ADCY1: variants seen among roughly 807,000 people sequenced by gnomAD.
The protein encoded by ADCY1 is adenylate cyclase type 1.
ADCY1 carries 28 observed loss-of-function variants against 105.4 expected under a neutral mutation model. The ratio of observed to expected loss-of-function variants is 0.27; its 90% CI spans 0.20 to 0.36. The LOEUF (loss-of-function observed/expected upper bound fraction) is 0.36. ADCY1 is among the 10% of genes least tolerant of loss of function. ADCY1 has a pLI of 1.00. For missense variants in ADCY1, 977 were observed against 1,434.2 expected (o/e 0.68, Z 5.15); for synonymous variants, 655 against 623.8 (o/e 1.05, Z -0.75).
chr7:45,597,133 C>T (rs1434216696), intron 2 of ADCY1, among the ~76,000 whole-genome samples: 1 of 152,172 alleles, frequency 6.6e-6, no homozygotes, highest in East Asian at 1.9e-4. Flanking sequence ...CAGGAGAGCA[C>T]AGCAGGGTAC....
At chr7:45,680,191 A>G (rs1784528898) in intron 11 of ADCY1, among the ~76,000 whole-genome samples, 1 of 152,244 alleles carries the variant, frequency 6.6e-6, no homozygotes, top group Non-Finnish European at 1.5e-5. Flanking sequence ...ACAAATGAGC[A>G]CAAGATACTG....
chr7:45,583,525 A>C (rs1211652182), intron 1 of ADCY1, among the ~76,000 whole-genome samples: 1 of 151,994 alleles, frequency 6.6e-6, no homozygotes, highest in Non-Finnish European at 1.5e-5. Context: ...TCCCAAGTAG[A>C]CTCTTCTCTG....
At chr7:45,635,912 A>T (rs751818607) in intron 4 of ADCY1, among the ~76,000 whole-genome samples, 10 of 151,912 alleles carry the variant, frequency 6.6e-5, no homozygotes. Context: ...TTGTTCTCTC[A>T]ATTATTGAGA....
intron 4 of ADCY1, among the ~76,000 whole-genome samples, chr7:45,626,296 A>G (rs541129036): frequency 6.6e-6 from 1 of 152,326 alleles, no homozygotes; most frequent in African/African-American, 2.4e-5. Flanking sequence ...TGACACCCAA[A>G]CAGTGTTACG....
intron 2 of ADCY1, among the ~76,000 whole-genome samples, chr7:45,594,562 C>T (rs1005150300): frequency 2.0e-5 from 3 of 152,114 alleles, no homozygotes; most frequent in Non-Finnish European, 4.4e-5. Context: ...TTTCCTACTT[C>T]TGTGTTGGTC....
In ADCY1 at chr7:45,678,344, G is replaced by T. The variant is rs12690837; in HGVS notation, c.1898+81G>T. The T allele has an allele frequency of 8.0e-6, 11 of 1,375,170 alleles. No individual in the cohort carries two copies. The African/African-American group carries it at 1.4e-4, about 18-fold the overall frequency. 85.2% of individuals were successfully genotyped at this position (1,375,170 alleles called of 1,614,324 possible). ...GTTCGTGGTTGTGTTTCTGGGGTTC[G>T]TGGTTGTGTTTCTGTTGTATGCTCA... On this transcript the variant is annotated intron_variant, in intron 10 of 19. Coordinates refer to ENST00000297323, the MANE Select transcript of ADCY1 (RefSeq NM_021116.4).
chr7:45,649,857 C>T (rs1322749018), intron 5 of ADCY1, among the ~76,000 whole-genome samples: 1 of 152,216 alleles, frequency 6.6e-6, no homozygotes, highest in South Asian at 2.1e-4. Flanking sequence ...GGTAGCTCCA[C>T]CTCAAGAGCC....
At chr7:45,674,715 A>T (rs1784425286) in intron 8 of ADCY1, among the ~76,000 whole-genome samples, 1 of 152,106 alleles carries the variant, frequency 6.6e-6, no homozygotes, top group Non-Finnish European at 1.5e-5. Context: ...TGTGATTGAA[A>T]TTTCTATTGT....
chr7:45,661,878 A>G (rs1795116244), intron 7 of ADCY1, among the ~76,000 whole-genome samples, 181 bp from the exon 8 acceptor site: 1 of 151,950 alleles, frequency 6.6e-6, no homozygotes. Flanking sequence ...CCCTCCCAAT[A>G]TGGTTTTGTT....
chr7:45,575,040 T>C lies in ADCY1; in HGVS notation c.497T>C (p.Leu166Pro). ...ACCGCCGAACAAGGGGTTTGGCAGC[T>C]CCTTTTGGTCACCTTCGTGTCCTAT... ...PATAEQGVWQ[L>P]LLVTFVSYAL... The change falls in exon 1 of 20, where the codon CTC (leucine) becomes CCC (proline). Residue 166 changes from leucine to proline, a missense_variant. Physicochemically the swap from Leu to Pro is moderately conservative, Grantham distance 98 (BLOSUM62 -3). Transcript: ENST00000297323. The surrounding 1 kb of genome is among the most constrained non-coding windows in gnomAD (Gnocchi z 4.7). The C allele has an allele frequency of 6.2e-7, 1 of 1,612,648 alleles. No homozygotes were observed. Among genetic ancestry groups the C allele is most frequent in the Non-Finnish European group, 8.5e-7 (1 of 1,179,848 alleles).
In ADCY1 at chr7:45,710,414, T is replaced by G; in HGVS notation, c.2933-114T>G. The G allele has an allele frequency of 6.8e-7, 1 of 1,478,972 alleles. No individual in the cohort carries two copies. The highest frequency in any genetic ancestry group is 2.3e-5 in the East Asian group (1 of 43,362). The allele number at this position is 1,478,972 out of a possible 1,614,324, so 91.6% of individuals were successfully genotyped here. ...TAGGTGACCCCAGGAAACAAAGCCC[T>G]GAAAGGAGCAGCCTTTTCTCCACCA... On this transcript the variant is annotated intron_variant, in intron 18 of 19. Coordinates refer to ENST00000297323, the MANE Select transcript of ADCY1 (RefSeq NM_021116.4). This position sits in a 1 kb window ranked among gnomAD's most constrained non-coding sequence, Gnocchi z 4.7.
intron 18 of ADCY1, among the ~76,000 whole-genome samples, chr7:45,709,943 G>A (rs763671207): frequency 2.0e-5 from 3 of 152,218 alleles, no homozygotes; most frequent in Non-Finnish European, 4.4e-5. Flanking sequence ...TCACGATGCT[G>A]TCCAGCTGGT....
rs1230847845 is a variant in ADCY1, at chr7:45,593,930, G to C, written c.789+1022G>C. Among the ~76,000 whole-genome samples the C allele has an allele frequency of 2.6e-5, 4 of 152,234 alleles. No individual in the cohort carries two copies. In the East Asian group the frequency reaches 5.8e-4, roughly 22 times the overall value. On this transcript the variant is annotated intron_variant, in intron 2 of 19. Transcript: ENST00000297323. ...AACACGTAGGAGGGCGTGTCCATGT[G>C]GATGTTATGTGGGCAGTGGTATGTG...
intron 4 of ADCY1, among the ~76,000 whole-genome samples, chr7:45,627,984 T>C (rs1486759661): frequency 6.6e-6 from 1 of 152,180 alleles, no homozygotes; most frequent in Non-Finnish European, 1.5e-5. Context: ...TGCACAGCCA[T>C]GGCTGAGCAT....
chr7:45,701,227 A>G lies in ADCY1; in HGVS notation c.2455-2149A>G, dbSNP rs551944509. 7.5e-4 allele frequency among the ~76,000 whole-genome samples: 115 copies of G among 152,336 alleles called. No homozygotes were observed. The Middle Eastern group carries it at 0.014, about 18-fold the overall frequency. ...ATCACATTTGTTAAAATATATAACA[A>G]TACAACTTCTGCTTGGTTCGTGAAA... On this transcript the variant is annotated intron_variant, in intron 14 of 19. Transcript: ENST00000297323.
At chr7:45,627,630 G>T (rs1794100691) in intron 4 of ADCY1, among the ~76,000 whole-genome samples, 1 of 152,152 alleles carries the variant, frequency 6.6e-6, no homozygotes, top group South Asian at 2.1e-4. Context: ...CCACATATGA[G>T]AATGGCCAGA....
chr7:45,577,644 C>T (rs1047980584), intron 1 of ADCY1, among the ~76,000 whole-genome samples: 10 of 152,208 alleles, frequency 6.6e-5, no homozygotes, highest in African/African-American at 2.4e-4. Context: ...AGTAGCCATG[C>T]TGGGTGTGGA....
chr7:45,599,574 C>A (rs928985301), intron 2 of ADCY1, among the ~76,000 whole-genome samples: 2 of 150,970 alleles, frequency 1.3e-5, no homozygotes, highest in African/African-American at 4.9e-5. Flanking sequence ...GGAGGCTCTG[C>A]GGCATGTCCT....
chr7:45,695,303 T>A (rs1360827393), intron 14 of ADCY1, among the ~76,000 whole-genome samples: 1 of 152,230 alleles, frequency 6.6e-6, no homozygotes, highest in Non-Finnish European at 1.5e-5. Flanking sequence ...TGGAACTTCA[T>A]GTGGCCATTT....
Sources: allele counts gnomAD v4.1 joint callset (sites outside exome capture counted in the v4.1 genomes callset), GRCh38; gene constraint gnomAD v4.1.1; non-coding constraint Gnocchi (gnomAD v3.1); transcripts MANE v1.5; gene names NCBI Gene and HGNC (gene_info 2026-07-23, HGNC 2026-07-21).